NAALADL2: variants seen among roughly 807,000 people sequenced by gnomAD.
The protein encoded by NAALADL2 is inactive N-acetylated-alpha-linked acidic dipeptidase-like protein 2.
In NAALADL2, 76 loss-of-function variants were observed where a neutral mutation model predicts 87.2. The observed-to-expected ratio is 0.87, with a 90% CI of 0.72 to 1.05. The LOEUF (loss-of-function observed/expected upper bound fraction) is 1.05. Among genes scored for constraint, NAALADL2 ranks in the 50% least tolerant of loss-of-function variants. The probability of loss-of-function intolerance (pLI) is 0.00; values close to 1 mark genes in which losing one functional copy is unlikely to be tolerated. For missense variants in NAALADL2, 1,089 were observed against 945.8 expected, an observed-to-expected ratio of 1.15 and a Z score of -1.99; for synonymous variants, 354 against 331.0, an observed-to-expected ratio of 1.07 and a Z score of -0.75.
chr3:175,437,735 A>C (rs986685436), intron 5 of NAALADL2, among the ~76,000 whole-genome samples: 1 of 152,022 alleles, frequency 6.6e-6, no homozygotes, highest in African/African-American at 2.4e-5. Flanking sequence ...ACAGCATGGT[A>C]CTGGTACCAA....
At chr3:175,161,596 C>T (rs1350160750) in intron 2 of NAALADL2, among the ~76,000 whole-genome samples, 2 of 152,048 alleles carry the variant, frequency 1.3e-5, no homozygotes, top group Non-Finnish European at 2.9e-5. Context: ...AGTCTGTTTT[C>T]CACGAACTGT....
intron 2 of NAALADL2, among the ~76,000 whole-genome samples, chr3:175,186,967 T>G (rs996881850): frequency 6.6e-6 from 1 of 152,188 alleles, no homozygotes; most frequent in Non-Finnish European, 1.5e-5. Flanking sequence ...AAAGATTATC[T>G]TAACAATCCT....
intron 12 of NAALADL2, among the ~76,000 whole-genome samples, chr3:175,750,760 C>T (rs1304049464): frequency 6.6e-6 from 1 of 152,156 alleles, no homozygotes; most frequent in Non-Finnish European, 1.5e-5. Context: ...ATGAACTCTT[C>T]AGTCATCCTC....
intron 1 of NAALADL2, among the ~76,000 whole-genome samples, chr3:174,999,447 T>G (rs1483876123): frequency 6.6e-6 from 1 of 152,148 alleles, no homozygotes; most frequent in African/African-American, 2.4e-5. Flanking sequence ...TTATTTGAAC[T>G]GTATTAGCTT....
rs1241507254 is a variant in NAALADL2 at position 175,213,785 on chromosome 3, G to A, written c.546-20146G>A. Among the ~76,000 whole-genome samples the A allele has an allele frequency of 2.0e-5, 3 of 152,130 alleles. No individual in the cohort carries two copies. In the East Asian group the frequency reaches 5.8e-4, roughly 29 times the overall value. ...GAGTCTTAAGGGTCTTTAATAACTTGCCCACAATCATTTAGTTAGTAAGAG... is the reference window on the plus strand; with the variant it reads ...GAGTCTTAAGGGTCTTTAATAACTTACCCACAATCATTTAGTTAGTAAGAG... On this transcript the variant is annotated intron_variant, in intron 2 of 13. Transcript: ENST00000454872.
At chr3:174,847,443 G>A (rs1004116087) in intron 3 of NAALADL2, among the ~76,000 whole-genome samples, 2 of 152,010 alleles carry the variant, frequency 1.3e-5, no homozygotes, top group Admixed American at 1.3e-4. Context: ...CCTATTGATG[G>A]CTTTATTATA....
At chr3:174,875,182 C>T (rs1011901167) in intron 1 of NAALADL2, among the ~76,000 whole-genome samples, 21 of 147,560 alleles carry the variant, frequency 1.4e-4, no homozygotes, top group Admixed American at 1.4e-4. Context: ...TTCAGTCATC[C>T]AATTTAACGA....
chr3:175,465,814 C>G (rs2149275957), intron 7 of NAALADL2, among the ~76,000 whole-genome samples: 1 of 152,226 alleles, frequency 6.6e-6, no homozygotes, highest in East Asian at 1.9e-4. Flanking sequence ...ATTGCCAATT[C>G]CTGTGTGGAA....
intron 1 of NAALADL2, among the ~76,000 whole-genome samples, chr3:174,959,947 T>A (rs1183720104): frequency 6.6e-6 from 1 of 152,078 alleles, no homozygotes; most frequent in African/African-American, 2.4e-5. Context: ...TAAAGTTAAT[T>A]GTCCCTTAAA....
At chr3:174,823,102 T>C (rs1490471864) in intron 3 of NAALADL2, among the ~76,000 whole-genome samples, 1 of 152,192 alleles carries the variant, frequency 6.6e-6, no homozygotes, top group Non-Finnish European at 1.5e-5. Flanking sequence ...TATTTGTAGA[T>C]ACGTGCTTTT....
At chr3:174,715,613 CA>C (rs1731108890) in intron 2 of NAALADL2, among the ~76,000 whole-genome samples, 1 of 152,142 alleles carries the variant, frequency 6.6e-6, no homozygotes, top group South Asian at 2.1e-4. Flanking sequence ...CAATAATCAG[CA>C]AAAGCCCAGT....
At chr3:174,814,203 G>A (rs891168622) in intron 3 of NAALADL2, among the ~76,000 whole-genome samples, 2 of 151,898 alleles carry the variant, frequency 1.3e-5, no homozygotes, top group South Asian at 2.1e-4. Flanking sequence ...CCACCCCCCG[G>A]GTTCACACCA....
At chr3:174,852,867 T>C (rs930822105) in intron 3 of NAALADL2, among the ~76,000 whole-genome samples, 1 of 151,996 alleles carries the variant, frequency 6.6e-6, no homozygotes, top group Non-Finnish European at 1.5e-5. Flanking sequence ...GATGCATAGA[T>C]GATGGAGCAG....
chr3:175,006,385 A>G (rs1749022551), intron 1 of NAALADL2, among the ~76,000 whole-genome samples: 1 of 152,156 alleles, frequency 6.6e-6, no homozygotes, highest in African/African-American at 2.4e-5. Context: ...ATGTCTTACC[A>G]TACCCAGAAC....
At chr3:174,653,303 A>G (rs1724567929) in intron 2 of NAALADL2, among the ~76,000 whole-genome samples, 1 of 152,214 alleles carries the variant, frequency 6.6e-6, no homozygotes, top group Non-Finnish European at 1.5e-5. Context: ...GAATAATGGT[A>G]ATTCATACAA....
chr3:175,028,738 C>G (rs974031310), intron 1 of NAALADL2, among the ~76,000 whole-genome samples: 1 of 151,774 alleles, frequency 6.6e-6, no homozygotes, highest in Non-Finnish European at 1.5e-5. Flanking sequence ...ATTTCAGGAT[C>G]TAAATGAATA....
intron 1 of NAALADL2, among the ~76,000 whole-genome samples, chr3:174,921,062 TATAATA>T (rs972989051): frequency 1.6e-4 from 24 of 152,112 alleles, no homozygotes; most frequent in African/African-American, 5.3e-4. Context: ...CAATAACAGA[TATAATA>T]ATAATGAAGA....
intron 2 of NAALADL2, among the ~76,000 whole-genome samples, chr3:174,696,529 C>T (rs1168930226): frequency 2.7e-5 from 4 of 147,244 alleles, no homozygotes; most frequent in African/African-American, 7.6e-5. Context: ...AATTACCTTA[C>T]CTTTTTCTCA....
rs940183327 is a variant in NAALADL2, at chr3:175,132,933, C to T, written c.545+35642C>T. ...GGGACTCCTCACTTCTCAGACGGGG[C>T]GGTTGCCAGACAGAGGGTCTCCTCT... On this transcript the variant is annotated intron_variant, in intron 2 of 13. Coordinates refer to ENST00000454872, the MANE Select transcript of NAALADL2 (RefSeq NM_207015.3). 7.3e-5 allele frequency among the ~76,000 whole-genome samples: 11 copies of T among 150,898 alleles called. 1 individual carries two copies. The East Asian group carries it at 1.2e-3, about 17-fold the overall frequency.
Sources: gnomAD v4.1 joint callset for allele counts (sites outside exome capture counted in the v4.1 genomes callset) on GRCh38, gnomAD v4.1.1 for gene constraint, MANE v1.5 for transcripts, NCBI Gene and HGNC (gene_info 2026-07-23, HGNC 2026-07-21) for gene names.